Variants in RPS15A observed in about 807,000 individuals in gnomAD.
RPS15A encodes the protein small ribosomal subunit protein uS8.
For missense variants in RPS15A, 62 were observed against 163.4 expected (o/e 0.38, Z 3.38); for synonymous variants, 55 against 58.5 (o/e 0.94, Z 0.27).
At chr16:18,783,618 T>TG (rs1235078693) in intron 4 of RPS15A, 5 of 454,650 alleles carry the variant, frequency 1.1e-5, no homozygotes, top group Admixed American at 4.8e-5. Flanking sequence ...CAAAGAGAAA[T>TG]GATTTTGGTG....
intron 3 of RPS15A, chr16:18,785,297 G>A (rs1197083615): frequency 1.3e-5 from 2 of 152,618 alleles, no homozygotes; most frequent in African/African-American, 4.8e-5. Flanking sequence ...TCCCACCAAT[G>A]AAGTACCGTT....
intron 4 of RPS15A, 195 bp downstream of exon 4, chr16:18,784,543 G>C (rs1486196289): frequency 1.9e-6 from 1 of 527,762 alleles, no homozygotes; most frequent in Non-Finnish European, 3.3e-6. Context: ...ACTGTGCCTG[G>C]CCAACCCTGT....
At chr16:18,784,866 A>G in intron 3 of RPS15A, 43 bp from the exon 4 acceptor site, 1 of 1,472,704 alleles carries the variant, frequency 6.8e-7, no homozygotes, top group Non-Finnish European at 9.4e-7. Flanking sequence ...TCACTTTACC[A>G]ATAACAGAAA....
rs1223784065 is a variant in RPS15A, at chr16:18,781,431, A to G, written c.*1578T>C. On this transcript the variant is annotated 3_prime_UTR_variant, in exon 5 of 5. Transcript: ENST00000322989. ...TAGGGACCAGAGACACGATGGTTAA[A>G]CAAGCCAGAGCCCTGTGATCCTAGG... 1 of 151,668 alleles carries G rather than the reference A, an allele frequency of 6.6e-6. No individual in the cohort carries two copies. Among genetic ancestry groups the G allele is most frequent in the African/African-American group, 2.4e-5 (1 of 41,294 alleles). 9.4% of individuals were successfully genotyped at this position (151,668 alleles called of 1,614,324 possible). A position where few individuals can be genotyped will look rare whatever the true frequency, so the allele number is the denominator to read the frequency against.
chr16:18,787,794 C>T (rs1217772377), intron 3 of RPS15A, among the ~76,000 whole-genome samples: 1 of 152,154 alleles, frequency 6.6e-6, no homozygotes, highest in African/African-American at 2.4e-5. Context: ...CGTTAACATC[C>T]AAATACCAGT....
At position 18,789,316 on chromosome 16, in the gene RPS15A, G is replaced by C. The variant is rs73541341; in HGVS notation, c.-5-198C>G. On this transcript the variant is annotated intron_variant, in intron 1 of 4. Coordinates refer to ENST00000322989, the MANE Select transcript of RPS15A (RefSeq NM_001019.5). ...TACGGTTGTTGAAAACAGGTTATCGGGACGTCAGCCTGCACATTTTGAAAC... is the reference window on the plus strand; with the variant it reads ...TACGGTTGTTGAAAACAGGTTATCGCGACGTCAGCCTGCACATTTTGAAAC... Among the ~76,000 whole-genome samples the C allele has an allele frequency of 0.065, 9,932 of 152,212 alleles. 1,080 individuals carry two copies. The highest frequency in any genetic ancestry group is 0.22 in the African/African-American group (9,307 of 41,494).
Sources: gnomAD v4.1 joint callset for allele counts (sites outside exome capture counted in the v4.1 genomes callset) on GRCh38, gnomAD v4.1.1 for gene constraint, MANE v1.5 for transcripts, NCBI Gene and HGNC (gene_info 2026-07-23, HGNC 2026-07-21) for gene names.